The following MCMBP variants were observed in gnomAD, a reference collection of about 807,000 sequenced individuals.
The protein encoded by MCMBP is minichromosome maintenance complex binding protein, also known as mini-chromosome maintenance complex-binding protein.
A neutral mutation model predicts 81.3 loss-of-function variants in MCMBP; 31 were observed. That is an observed-to-expected ratio of 0.38 (90% CI 0.29 to 0.51). The LOEUF is 0.51. MCMBP is among the 20% of genes least tolerant of loss of function. The pLI is 0.87. For missense variants in MCMBP, 645 were observed against 772.1 expected (o/e 0.84, Z 1.95); for synonymous variants, 267 against 275.9 (o/e 0.97, Z 0.32).
intron 6 of MCMBP, among the ~76,000 whole-genome samples, chr10:119,851,713 A>G (rs1347689005): frequency 1.3e-5 from 2 of 152,218 alleles, no homozygotes; most frequent in African/African-American, 2.4e-5. Flanking sequence ...TACGACATTT[A>G]TATGTATTTA....
At chr10:119,870,633 C>T (rs35529472) in intron 1 of MCMBP, among the ~76,000 whole-genome samples, 8,395 of 152,112 alleles carry the variant, frequency 0.055, 424 homozygotes, top group South Asian at 0.27. Context: ...TTTTTTCTTT[C>T]TGTACAATGC....
intron 7 of MCMBP, 39 bp downstream of exon 7, chr10:119,849,386 A>G (rs370616536): frequency 1.8e-5 from 29 of 1,585,250 alleles, no homozygotes; most frequent in South Asian, 3.5e-5. Flanking sequence ...TCTGAGACAC[A>G]TAACATTTCA....
Position 119,872,573 on chromosome 10 carries a change from C to T in MCMBP, c.12G>A (p.Gly4=). The part of the protein sequence containing the change: MPC[G]EDWLSHPLGI... ...CCAGCGGGTGGCTGAGCCAATCCTC[C>T]CCACACGGCATCTCGCCAGGGGCCG... is the stretch of plus-strand genomic sequence containing the variant. Residue 4 remains glycine, a synonymous_variant, in exon 1 of 16, where the codon GGG becomes GGA. Transcript: ENST00000369077. 8.5e-7 allele frequency: 1 copy of T among 1,181,764 alleles called. No individual in the cohort carries two copies. The highest frequency in any genetic ancestry group is 1.1e-6 in the Non-Finnish European group (1 of 948,116). 73.2% of individuals were successfully genotyped at this position (1,181,764 alleles called of 1,614,324 possible). A position where few individuals can be genotyped will look rare whatever the true frequency, so the allele number is the denominator to read the frequency against.
intron 5 of MCMBP, 35 bp from the exon 6 acceptor site, chr10:119,853,229 C>G (rs775423710): frequency 2.3e-5 from 36 of 1,586,726 alleles, no homozygotes; most frequent in Non-Finnish European, 3.1e-5. Context: ...CTATCATAAA[C>G]TGAGGAATAT....
rs1853741205 is a variant in MCMBP at position 119,872,730 on chromosome 10, CG to C, written c.-147del. 4.2e-6 allele frequency: 1 copy of C among 240,808 alleles called. No individual in the cohort carries two copies. The highest frequency in any genetic ancestry group is 6.0e-5 in the Admixed American group (1 of 16,708). The allele number at this position is 240,808 out of a possible 1,614,324, so 14.9% of individuals were successfully genotyped here. A position where few individuals can be genotyped will look rare whatever the true frequency, so the allele number is the denominator to read the frequency against. On this transcript the variant is annotated 5_prime_UTR_variant, in exon 1 of 16. Transcript: ENST00000369077. ...GCGCCCTCCCACGCACAGCGAGCCG[CG>C]GGGCGCGGGCCTCCCGCGCCTCAGG... is the stretch of plus-strand genomic sequence containing the variant.
intron 14 of MCMBP, among the ~76,000 whole-genome samples, chr10:119,833,992 A>G (rs1251871190): frequency 7.2e-5 from 11 of 152,182 alleles, no homozygotes; most frequent in Non-Finnish European, 1.5e-4. Flanking sequence ...GATCAGGCAG[A>G]AGAAAATCAC....
chr10:119,865,307 T>TTA (rs1853412898), intron 1 of MCMBP, among the ~76,000 whole-genome samples: 1 of 152,178 alleles, frequency 6.6e-6, no homozygotes, highest in South Asian at 2.1e-4. Context: ...TAAAAACATT[T>TTA]TAGGCCAGGC....
At chr10:119,842,206 T>A (rs1280003115) in intron 10 of MCMBP, among the ~76,000 whole-genome samples, 2 of 152,220 alleles carry the variant, frequency 1.3e-5, no homozygotes, top group Non-Finnish European at 2.9e-5. Flanking sequence ...TTCCATGAAA[T>A]GGGTCCTTGG....
Position 119,831,555 on chromosome 10 carries a change from T to C in MCMBP, c.1842A>G (p.Arg614=). ...SAGQTTLSRE[R]WLRAKQLESL... ...ACTCTAGCTGCTTTGCTCTCAGCCA[T>C]CGTTCTCTTGACAGCGTTGTCTGAC... The change falls in exon 16 of 16, where the codon CGA becomes CGG. Residue 614 remains arginine, a synonymous_variant. Coordinates refer to ENST00000369077, the MANE Select transcript of MCMBP (RefSeq NM_001256378.2). 1 of 1,614,064 alleles carries C rather than the reference T, an allele frequency of 6.2e-7. No homozygotes were observed. The highest frequency in any genetic ancestry group is 8.5e-7 in the Non-Finnish European group (1 of 1,179,942).
At chr10:119,838,149 A>G (rs1412145841) in intron 12 of MCMBP, among the ~76,000 whole-genome samples, 2 of 151,448 alleles carry the variant, frequency 1.3e-5, no homozygotes, top group Non-Finnish European at 2.9e-5. Context: ...ACGACCCTCA[A>G]CATCTAATAC....
At chr10:119,854,045 CTTTTT>C (rs111657130) in intron 5 of MCMBP, among the ~76,000 whole-genome samples, 4 of 140,020 alleles carry the variant, frequency 2.9e-5, no homozygotes, top group African/African-American at 1.1e-4. Context: ...TTTTCCTTTT[CTTTTT>C]TTTTTTTTTT....
chr10:119,842,638 T>C, intron 9 of MCMBP, 43 bp from the exon 10 acceptor site: 1 of 1,591,738 alleles, frequency 6.3e-7, no homozygotes, highest in Non-Finnish European at 8.5e-7. Flanking sequence ...CACACTCCAG[T>C]TCCTCTCAAG....
At chr10:119,857,479 A>T in intron 4 of MCMBP, 40 bp from the exon 5 acceptor site, 1 of 1,363,106 alleles carries the variant, frequency 7.3e-7, no homozygotes, top group East Asian at 2.4e-5. Flanking sequence ...AATTTACTTT[A>T]AAAAACCCAA....
rs1414994120 is a variant in MCMBP, at chr10:119,830,962, C to T, written c.*512G>A. The T allele has an allele frequency of 1.3e-5, 2 of 152,416 alleles. No individual in the cohort carries two copies. Among genetic ancestry groups the T allele is most frequent in the South Asian group, 2.1e-4 (1 of 4,826 alleles). The allele number at this position is 152,416 out of a possible 1,614,324, so 9.4% of individuals were successfully genotyped here. On this transcript the variant is annotated 3_prime_UTR_variant, in exon 16 of 16. Transcript: ENST00000369077. ...GCCAAACATCTGGGAAATGACAGTA[C>T]AGAATTTCATGTAGTCATGTGAATC...
At chr10:119,833,795 ACT>A (rs1203305235) in intron 14 of MCMBP, among the ~76,000 whole-genome samples, 3 of 152,188 alleles carry the variant, frequency 2.0e-5, no homozygotes, top group Non-Finnish European at 4.4e-5. Flanking sequence ...AGACAAAAAG[ACT>A]CTAAATTGGC....
At chr10:119,832,716 T>C (rs982646728) in intron 14 of MCMBP, among the ~76,000 whole-genome samples, 1 of 152,050 alleles carries the variant, frequency 6.6e-6, no homozygotes, top group Admixed American at 6.6e-5. Context: ...ATTTGCAAGG[T>C]TGTCTTTATT....
chr10:119,832,961 T>C (rs1564868225), intron 14 of MCMBP, among the ~76,000 whole-genome samples: 1 of 152,214 alleles, frequency 6.6e-6, no homozygotes, highest in Non-Finnish European at 1.5e-5. Context: ...GCTGCAGACA[T>C]GCTCAGAGAC....
At chr10:119,850,598 A>G (rs934067785) in intron 6 of MCMBP, among the ~76,000 whole-genome samples, 13 of 151,594 alleles carry the variant, frequency 8.6e-5, no homozygotes, top group Admixed American at 4.6e-4. Context: ...AAATACAAAA[A>G]ATTAGCCAGG....
chr10:119,862,151 A>G (rs1853279920), intron 1 of MCMBP, among the ~76,000 whole-genome samples: 1 of 152,178 alleles, frequency 6.6e-6, no homozygotes, highest in African/African-American at 2.4e-5. Context: ...TACTAAAAAT[A>G]CAAAAATTAG....
Sources: gnomAD v4.1 joint callset for allele counts (sites outside exome capture counted in the v4.1 genomes callset) on GRCh38, gnomAD v4.1.1 for gene constraint, MANE v1.5 for transcripts, NCBI Gene and HGNC (gene_info 2026-07-23, HGNC 2026-07-21) for gene names.